The following FREM1 variants were observed in gnomAD, a reference collection of about 807,000 sequenced individuals.
The protein encoded by FREM1 is FRAS1 related extracellular matrix 1, also known as FRAS1-related extracellular matrix protein 1.
In FREM1, 220 loss-of-function variants were observed where a neutral mutation model predicts 210.1. The observed-to-expected ratio is 1.05, with a 90% CI of 0.94 to 1.17. FREM1 has a LOEUF of 1.17. Ranked by LOEUF, FREM1 falls within the 50% of genes most tolerant of loss-of-function variation. The probability of loss-of-function intolerance (pLI) is 0.00; values close to 1 mark genes in which losing one functional copy is unlikely to be tolerated. For missense variants in FREM1, 3,454 were observed against 2,675.5 expected, an observed-to-expected ratio of 1.29 and a Z score of -6.42; for synonymous variants, 1,189 against 980.2, an observed-to-expected ratio of 1.21 and a Z score of -3.98.
At chr9:14,766,525 G>C (rs1056423819) in intron 27 of FREM1, among the ~76,000 whole-genome samples, 2 of 152,130 alleles carry the variant, frequency 1.3e-5, no homozygotes, top group African/African-American at 4.8e-5. Context: ...TAGCTAGCTG[G>C]CAGTAACTTG....
intron 1 of FREM1, among the ~76,000 whole-genome samples, chr9:14,896,441 G>A (rs1837733028): frequency 6.6e-6 from 1 of 151,590 alleles, no homozygotes; most frequent in African/African-American, 2.4e-5. Flanking sequence ...CTACTCAGGA[G>A]GCTGAGGCAG....
chr9:14,747,477 G>A, intron 32 of FREM1, 49 bp from the exon 33 acceptor site: 1 of 1,545,840 alleles, frequency 6.5e-7, no homozygotes. Context: ...CAAACATCAA[G>A]ATAGCAAACA....
At chr9:14,800,492 T>C (rs1471570825) in intron 20 of FREM1, among the ~76,000 whole-genome samples, 2 of 152,260 alleles carry the variant, frequency 1.3e-5, no homozygotes, top group Non-Finnish European at 2.9e-5. Context: ...ATGTGCCATT[T>C]CTCTAAAGAG....
At chr9:14,752,356 T>C (rs1005664545) in intron 29 of FREM1, among the ~76,000 whole-genome samples, 1 of 152,110 alleles carries the variant, frequency 6.6e-6, no homozygotes, top group African/African-American at 2.4e-5. Flanking sequence ...GCAGAGGTCT[T>C]GACTCGGGAA....
rs368346957 is a variant in FREM1 at position 14,784,499 on chromosome 9, C to A, written c.4313G>T (p.Arg1438Leu). ...GTGAACATATTCGATCTGGCCATAT[C>A]GCGGAGGGGAGGTGATGACATAGAG... is the stretch of plus-strand genomic sequence containing the variant. The part of the protein sequence containing the change: ...ELLYVITSPP[R>L]YGQIEYVHYP... Residue 1438 changes from arginine (R) to leucine (L), a missense_variant, in exon 24 of 37, where the codon CGA (arginine) becomes CTA (leucine). Coordinates refer to ENST00000380880, the MANE Select transcript of FREM1 (RefSeq NM_001379081.2). 3 of 1,613,720 alleles carry A rather than the reference C, an allele frequency of 1.9e-6. No individual in the cohort carries two copies. The highest frequency in any genetic ancestry group is 1.7e-6 in the Non-Finnish European group (2 of 1,179,842).
At chr9:14,813,693 C>A (rs574303277) in intron 15 of FREM1, among the ~76,000 whole-genome samples, 1 of 152,086 alleles carries the variant, frequency 6.6e-6, no homozygotes, top group Non-Finnish European at 1.5e-5. Flanking sequence ...GAAAGAAAAG[C>A]GACATGGGAT....
intron 1 of FREM1, among the ~76,000 whole-genome samples, chr9:14,894,299 G>A (rs1319505216): frequency 2.6e-5 from 4 of 152,210 alleles, no homozygotes; most frequent in African/African-American, 9.6e-5. Flanking sequence ...ATGTAAAATT[G>A]TTGTATGCCA....
chr9:14,771,001 A>G (rs922058018), intron 25 of FREM1, among the ~76,000 whole-genome samples, 195 bp from the exon 26 acceptor site: 3 of 152,132 alleles, frequency 2.0e-5, no homozygotes, highest in Non-Finnish European at 4.4e-5. Context: ...AACAGAGGCC[A>G]ATTTTCCACT....
chr9:14,777,230 T>A (rs1012999949), intron 24 of FREM1, among the ~76,000 whole-genome samples: 4 of 152,212 alleles, frequency 2.6e-5, no homozygotes, highest in Non-Finnish European at 5.9e-5. Flanking sequence ...TTTGATTCTA[T>A]TGATCATGAA....
chr9:14,874,274 G>A (rs562961671), intron 1 of FREM1, among the ~76,000 whole-genome samples: 1 of 151,960 alleles, frequency 6.6e-6, no homozygotes, highest in South Asian at 2.1e-4. Flanking sequence ...GGGTGTTAAA[G>A]TCTCCCATTA....
intron 19 of FREM1, among the ~76,000 whole-genome samples, chr9:14,803,936 T>C (rs1160560752): frequency 6.6e-6 from 1 of 152,222 alleles, no homozygotes; most frequent in Non-Finnish European, 1.5e-5. Context: ...TAAAATATGT[T>C]ATAATATCCT....
At chr9:14,881,223 A>C (rs1012440015) in intron 1 of FREM1, among the ~76,000 whole-genome samples, 5 of 152,192 alleles carry the variant, frequency 3.3e-5, no homozygotes, top group African/African-American at 1.2e-4. Flanking sequence ...AAGGCACATA[A>C]AACGAAGACT....
chr9:14,813,629 C>T (rs1450137086), intron 15 of FREM1, among the ~76,000 whole-genome samples: 1 of 152,138 alleles, frequency 6.6e-6, no homozygotes, highest in Non-Finnish European at 1.5e-5. Context: ...CAGGTTTCAT[C>T]CCGACAAAAT....
At position 14,779,725 on chromosome 9, in the gene FREM1, G is replaced by C. The variant is rs566135219; in HGVS notation, c.4443-3522C>G. On this transcript the variant is annotated intron_variant, in intron 24 of 36. Coordinates refer to ENST00000380880, the MANE Select transcript of FREM1 (RefSeq NM_001379081.2). ...AGGCAGCCTGCCATCAGACAGATGG[G>C]AGTGAGGGCACGCGGGCCACAGACC... 3.2e-4 allele frequency among the ~76,000 whole-genome samples: 49 copies of C among 152,324 alleles called. 1 individual carries two copies. Among genetic ancestry groups the C allele is most frequent in the Middle Eastern group, 3.4e-3 (1 of 294 alleles).
chr9:14,743,763 T>C (rs1157945772), intron 35 of FREM1, among the ~76,000 whole-genome samples: 1 of 152,094 alleles, frequency 6.6e-6, no homozygotes, highest in East Asian at 1.9e-4. Context: ...TAACTACTCT[T>C]TCCCTTAATT....
rs759720397 is a variant in FREM1, at chr9:14,747,421, C to T, written c.5852G>A (p.Gly1951Glu). ...NGTDIIYNYH[G>E]IVSLKLEDDS... The stretch of plus-strand genomic sequence containing the variant: ...ATCCTCCAGTTTCAAGGAAACTATC[C>T]CATGATACTTGAGGAAACCAACAAT... Residue 1951 changes from glycine to glutamate, a missense_variant, in exon 33 of 37, where the codon GGG becomes GAG. Gly to Glu is a moderately conservative substitution (Grantham distance 98). Coordinates refer to ENST00000380880, the MANE Select transcript of FREM1 (RefSeq NM_001379081.2). 6.8e-6 allele frequency: 11 copies of T among 1,612,952 alleles called. No individual in the cohort carries two copies. In the South Asian group the frequency reaches 1.1e-4, roughly 16 times the overall value.
chr9:14,837,512 G>T (rs890157858), intron 10 of FREM1, among the ~76,000 whole-genome samples: 1 of 151,824 alleles, frequency 6.6e-6, no homozygotes, highest in Non-Finnish European at 1.5e-5. Context: ...TATTACAGGG[G>T]TATAAAAAAG....
At chr9:14,835,627 C>G (rs148452189) in intron 10 of FREM1, among the ~76,000 whole-genome samples, 6 of 152,258 alleles carry the variant, frequency 3.9e-5, no homozygotes, top group Non-Finnish European at 8.8e-5. Flanking sequence ...AAGGATCACC[C>G]AACTCACAGG....
In FREM1 at chr9:14,846,049, T is replaced by C. The variant is rs1371541475; in HGVS notation, c.1304A>G (p.Glu435Gly). 6 of 1,603,624 alleles carry C rather than the reference T, an allele frequency of 3.7e-6. No homozygotes were observed. The highest frequency in any genetic ancestry group is 5.1e-6 in the Non-Finnish European group (6 of 1,174,550). Residue 435 changes from glutamate to glycine, a missense_variant, in exon 8 of 37, where the codon GAA (glutamate) becomes GGA (glycine). Coordinates refer to ENST00000380880, the MANE Select transcript of FREM1 (RefSeq NM_001379081.2). The stretch of plus-strand genomic sequence containing the variant: ...GTCATTGTCGACAACCTGAAACTGT[T>C]CCCAAGTGATGGCTCGAGACTGCCC... Reference protein sequence around the residue: ...LEGQSRAITWEQFQVVDNDDI... With the variant: ...LEGQSRAITWGQFQVVDNDDI...
Sources: allele counts gnomAD v4.1 joint callset (sites outside exome capture counted in the v4.1 genomes callset), GRCh38; gene constraint gnomAD v4.1.1; transcripts MANE v1.5; gene names NCBI Gene and HGNC (gene_info 2026-07-23, HGNC 2026-07-21).